Variants in SIPA1L2 observed in about 807,000 individuals in gnomAD.
The protein encoded by SIPA1L2 is signal-induced proliferation-associated 1-like protein 2.
A neutral mutation model predicts 163.9 loss-of-function variants in SIPA1L2; 56 were observed. The ratio of observed to expected loss-of-function variants is 0.34; its 90% confidence interval spans 0.28 to 0.43. The LOEUF is 0.43. Among genes scored for constraint, SIPA1L2 ranks in the 20% least tolerant of loss-of-function variants. The pLI, the probability that SIPA1L2 is intolerant of heterozygous loss-of-function variation, is 1.00. For synonymous variants in SIPA1L2, 877 were observed against 865.7 expected, an observed-to-expected ratio of 1.01 and a Z score of -0.23; for missense variants, 1,974 against 2,193.5, an observed-to-expected ratio of 0.90 and a Z score of 2.00.
intron 10 of SIPA1L2, among the ~76,000 whole-genome samples, chr1:232,452,765 T>G (rs913022586): frequency 2.0e-5 from 3 of 152,036 alleles, no homozygotes; most frequent in Non-Finnish European, 4.4e-5. Context: ...AAAGAGAGAG[T>G]TTGGGCTCTA....
chr1:232,592,489 G>A (rs1422073959), intron 1 of SIPA1L2, among the ~76,000 whole-genome samples: 1 of 152,162 alleles, frequency 6.6e-6, no homozygotes, highest in African/African-American at 2.4e-5. Flanking sequence ...AATCAAGTCT[G>A]TTGATCTTAA....
rs552074001 is a variant in SIPA1L2 at position 232,541,247 on chromosome 1, T to TA, written c.-269-25640_-269-25639insT. ...ATGTATCACATCACATAACATAACA[T>TA]TAACATAACATAACATAACATAACA... is the stretch of plus-strand genomic sequence containing the variant. On this transcript the variant is annotated intron_variant, in intron 2 of 22. Transcript: ENST00000674635. Among the ~76,000 whole-genome samples, 16 of 144,572 alleles carry TA rather than the reference T, an allele frequency of 1.1e-4. 1 individual carries two copies. The highest frequency in any genetic ancestry group is 2.1e-4 in the Admixed American group (3 of 14,612). The allele number at this position is 144,572 out of a possible 152,430, so 94.8% of individuals were successfully genotyped here. A position where few individuals can be genotyped will look rare whatever the true frequency, so the allele number is the denominator to read the frequency against.
intron 2 of SIPA1L2, among the ~76,000 whole-genome samples, chr1:232,573,315 T>C (rs1311486900): frequency 2.0e-5 from 3 of 152,210 alleles, no homozygotes; most frequent in African/African-American, 7.2e-5. Flanking sequence ...GGAATCGATA[T>C]TAGCTATCTG....
chr1:232,461,068 C>A lies in SIPA1L2; in HGVS notation c.2914G>T (p.Ala972Ser). The part of the protein sequence containing the change: ...GFHVNFEGIV[A>S]DVEPFGFAWK... ...GCAAAGCCAAAAGGTTCCACATCTG[C>A]GACAATTCCTTCAAAATTCACATGG... Residue 972 changes from alanine (A) to serine (S), a missense_variant, in exon 10 of 23, where the codon GCA (alanine) becomes TCA (serine). Coordinates refer to ENST00000674635, the MANE Select transcript of SIPA1L2 (RefSeq NM_020808.5). 1 of 1,614,286 alleles carries A rather than the reference C, an allele frequency of 6.2e-7. No individual in the cohort carries two copies. The highest frequency in any genetic ancestry group is 1.1e-5 in the South Asian group (1 of 91,092).
chr1:232,584,545 T>TA, intron 1 of SIPA1L2, among the ~76,000 whole-genome samples: 1 of 152,314 alleles, frequency 6.6e-6, no homozygotes, highest in South Asian at 2.1e-4. Flanking sequence ...GGACAGTTTA[T>TA]CCTGTATCTT....
At chr1:232,530,617 A>G (rs1656859473) in intron 2 of SIPA1L2, among the ~76,000 whole-genome samples, 1 of 152,070 alleles carries the variant, frequency 6.6e-6, no homozygotes, top group African/African-American at 2.4e-5. Flanking sequence ...TGTTTTGCCC[A>G]GCGGTTCCCA....
At chr1:232,627,430 T>C (rs1663135592) in intron 1 of SIPA1L2, among the ~76,000 whole-genome samples, 2 of 152,154 alleles carry the variant, frequency 1.3e-5, no homozygotes, top group African/African-American at 4.8e-5. Context: ...CGCTTCTCCT[T>C]TGCCTCAGGT....
At chr1:232,404,096 GGAGCCAAC>G (rs1558149403) in intron 20 of SIPA1L2, 21 bp downstream of exon 20, 12 of 1,613,586 alleles carry the variant, frequency 7.4e-6, no homozygotes, top group Non-Finnish European at 1.0e-5. Flanking sequence ...CAGGATATCA[GGAGCCAAC>G]GAGCAGCCCC....
intron 5 of SIPA1L2, among the ~76,000 whole-genome samples, chr1:232,487,952 A>ACACG (rs1203526518): frequency 2.0e-5 from 3 of 150,974 alleles, no homozygotes; most frequent in Admixed American, 1.3e-4. Context: ...ACACACACAC[A>ACACG]CACGCACACA....
At chr1:232,630,138 C>T (rs1366173589), upstream of SIPA1L2, among the ~76,000 whole-genome samples, 1 of 151,306 alleles carries the variant, frequency 6.6e-6, no homozygotes, top group Non-Finnish European at 1.5e-5. Flanking sequence ...CAGTCTGCCG[C>T]GCCGGCTCCC....
intron 2 of SIPA1L2, among the ~76,000 whole-genome samples, chr1:232,550,215 TGTCTAAAAGCTCAACAGAAGG>T (rs1658294933): frequency 6.6e-6 from 1 of 152,204 alleles, no homozygotes; most frequent in African/African-American, 2.4e-5. Context: ...AAAGACCATC[TGTCTAAAAGCTCAACAGAAGG>T]TTTAAGTAAT....
At chr1:232,403,423 G>C (rs1309089853) in intron 21 of SIPA1L2, 25 bp downstream of exon 21, 2 of 1,605,116 alleles carry the variant, frequency 1.2e-6, no homozygotes, top group Admixed American at 1.7e-5. Flanking sequence ...CAGCAGGAGG[G>C]AGGGGTCCAC....
chr1:232,584,753 C>T (rs1660566530), intron 1 of SIPA1L2, among the ~76,000 whole-genome samples: 1 of 152,168 alleles, frequency 6.6e-6, no homozygotes, highest in African/African-American at 2.4e-5. Flanking sequence ...ACTTAAATGA[C>T]TACTTATACA....
intron 2 of SIPA1L2, among the ~76,000 whole-genome samples, chr1:232,560,050 A>T (rs1309926894): frequency 1.3e-5 from 2 of 152,162 alleles, no homozygotes; most frequent in African/African-American, 4.8e-5. Context: ...TCTCTCTCTC[A>T]CACACAGAAC....
In SIPA1L2 at chr1:232,504,530, TC is replaced by T. The variant is rs567918110; in HGVS notation, c.1483+9326del. Among the ~76,000 whole-genome samples, 7 of 151,524 alleles carry T rather than the reference TC, an allele frequency of 4.6e-5. No individual in the cohort carries two copies. The South Asian group carries it at 1.5e-3, about 32-fold the overall frequency. On this transcript the variant is annotated intron_variant, in intron 3 of 22. Coordinates refer to ENST00000674635, the MANE Select transcript of SIPA1L2 (RefSeq NM_020808.5). ...TCCAGCCTGGGCAACAGAGCGAGACTCCATCTCAGAAAGACAAAAAAAAAAA... is the reference window on the plus strand; with the variant it reads ...TCCAGCCTGGGCAACAGAGCGAGACTCATCTCAGAAAGACAAAAAAAAAAA...
intron 2 of SIPA1L2, among the ~76,000 whole-genome samples, chr1:232,572,690 CATACATATATATATATATATATATAT>C (rs1558277146): frequency 4.5e-4 from 23 of 51,212 alleles, no homozygotes; most frequent in African/African-American, 1.1e-3. Context: ...CACACATATA[CATACATATATATATATATATATATAT>C]ACACACATAT....
chr1:232,432,343 T>G lies in SIPA1L2; in HGVS notation c.4160A>C (p.Tyr1387Ser). ...QQVPGSMSKP[Y>S]HRQGAVNKYV... is the part of the protein sequence containing the mutation. ...TTTGTTCACTGCCCCTTGTCTGTGGTAGGGCTTGGACATGGACCCGGGAAC... is the reference window on the plus strand; with the variant it reads ...TTTGTTCACTGCCCCTTGTCTGTGGGAGGGCTTGGACATGGACCCGGGAAC... Residue 1387 changes from tyrosine to serine, a missense_variant, in exon 16 of 23, where the codon TAC (tyrosine) becomes TCC (serine). Tyr to Ser is a moderately radical substitution (Grantham distance 144). Coordinates refer to ENST00000674635, the MANE Select transcript of SIPA1L2 (RefSeq NM_020808.5). 6.2e-7 allele frequency: 1 copy of G among 1,614,190 alleles called. No homozygotes were observed. Among genetic ancestry groups the G allele is most frequent in the Non-Finnish European group, 8.5e-7 (1 of 1,180,032 alleles).
Position 232,439,256 on chromosome 1 carries a change from C to G in SIPA1L2, c.3883G>C (p.Glu1295Gln), listed in dbSNP as rs766492017. ...GSRSLIHSRA[E>Q]QWADAADVSG... The stretch of plus-strand genomic sequence containing the variant: ...ACGTCGGCAGCATCAGCCCACTGCT[C>G]GGCCCGGCTGTGGATCAGGGACCTG... Residue 1295 changes from glutamate (E) to glutamine (Q), a missense_variant, in exon 15 of 23, where the codon GAG becomes CAG. This residue lies in a region of SIPA1L2 where 1,079 missense variants were observed against 1,150.7 expected (regional missense o/e 0.94). Transcript: ENST00000674635. 6.2e-7 allele frequency: 1 copy of G among 1,614,088 alleles called. No individual in the cohort carries two copies. Among genetic ancestry groups the G allele is most frequent in the South Asian group, 1.1e-5 (1 of 91,076 alleles).
intron 2 of SIPA1L2, among the ~76,000 whole-genome samples, chr1:232,535,343 T>A (rs1657237301): frequency 6.6e-6 from 1 of 152,198 alleles, no homozygotes; most frequent in African/African-American, 2.4e-5. Flanking sequence ...TCAAATTGAA[T>A]CAACATTTCC....
Sources: gnomAD v4.1 joint callset for allele counts (sites outside exome capture counted in the v4.1 genomes callset) on GRCh38, gnomAD v4.1.1 for gene constraint, gnomAD v4.1.1 regional missense constraint, MANE v1.5 for transcripts, NCBI Gene and HGNC (gene_info 2026-07-23, HGNC 2026-07-21) for gene names.